VWA3B: variants seen among roughly 807,000 people sequenced by gnomAD.
VWA3B encodes the protein von Willebrand factor A domain containing 3B, also known as von Willebrand factor A domain-containing protein 3B.
Under a neutral mutation model 158.3 loss-of-function variants are expected in VWA3B, and 138 were observed. That is an observed-to-expected ratio of 0.87 (90% confidence interval 0.76 to 1.00). The LOEUF (loss-of-function observed/expected upper bound fraction) is 1.00, where lower values mean the gene tolerates loss of function less well. Among genes scored for constraint, VWA3B ranks in the 50% least tolerant of loss-of-function variants. The probability of loss-of-function intolerance (pLI) is 0.00; values close to 1 mark genes in which losing one functional copy is unlikely to be tolerated. For synonymous variants in VWA3B, 596 were observed against 587.3 expected (o/e 1.01, Z -0.21); for missense variants, 1,555 against 1,565.1 (o/e 0.99, Z 0.11).
intron 2 of VWA3B, among the ~76,000 whole-genome samples, chr2:98,112,262 G>T (rs1674188132): frequency 6.8e-6 from 1 of 147,880 alleles, no homozygotes; most frequent in Admixed American, 6.8e-5. Flanking sequence ...CTGTTCCATT[G>T]TTCTATATGT....
chr2:98,280,975 C>G (rs1006904313), intron 22 of VWA3B, among the ~76,000 whole-genome samples: 1 of 152,144 alleles, frequency 6.6e-6, no homozygotes, highest in African/African-American at 2.4e-5. Flanking sequence ...TTCTTTAGCA[C>G]AATATTTGCC....
In VWA3B at chr2:98,181,147, C is replaced by T. The variant is rs201941273; in HGVS notation, c.1246C>T (p.Arg416Cys). 699 of 1,614,198 alleles carry T rather than the reference C, an allele frequency of 4.3e-4. 6 individuals carry two copies. The highest frequency in any genetic ancestry group is 4.1e-4 in the South Asian group (37 of 91,088). Residue 416 changes from arginine to cysteine, a missense_variant, in exon 9 of 28, where the codon CGC becomes TGC. Coordinates refer to ENST00000477737, the MANE Select transcript of VWA3B (RefSeq NM_144992.5). ...LYDVLADCSF[R>C]HADGVVDIKA... ...TGATGTGCTTGCCGACTGCTCTTTC[C>T]GCCACGCTGATGGGGTTGTGGATAT... is the stretch of plus-strand genomic sequence containing the variant.
At chr2:98,178,878 A>G (rs1680234905) in intron 8 of VWA3B, among the ~76,000 whole-genome samples, 1 of 152,228 alleles carries the variant, frequency 6.6e-6, no homozygotes, top group South Asian at 2.1e-4. Context: ...GCTGGTGGAC[A>G]TCCTACGTGA....
chr2:98,119,448 G>A, intron 3 of VWA3B, 65 bp from the exon 4 acceptor site: 1 of 1,574,110 alleles, frequency 6.4e-7, no homozygotes, highest in Non-Finnish European at 8.6e-7. Context: ...CTCGGTGGCA[G>A]CACTGTGGTT....
chr2:98,243,616 G>A (rs1209244798), intron 19 of VWA3B, among the ~76,000 whole-genome samples: 2 of 152,014 alleles, frequency 1.3e-5, no homozygotes, highest in South Asian at 2.1e-4. Context: ...TTACAGGCAA[G>A]AGCCACCATG....
At chr2:98,306,846 C>G (rs1359869038) in intron 26 of VWA3B, among the ~76,000 whole-genome samples, 1 of 152,054 alleles carries the variant, frequency 6.6e-6, no homozygotes, top group Non-Finnish European at 1.5e-5. Context: ...TCTCGAGTCC[C>G]CCATTGTAAT....
chr2:98,203,126 C>T (rs564695206), intron 12 of VWA3B, among the ~76,000 whole-genome samples: 41 of 152,250 alleles, frequency 2.7e-4, no homozygotes, highest in African/African-American at 7.0e-4. Flanking sequence ...CCACCACACC[C>T]GGCCGGTTTA....
chr2:98,202,828 T>G (rs1204491199), intron 12 of VWA3B, among the ~76,000 whole-genome samples: 1 of 151,938 alleles, frequency 6.6e-6, no homozygotes, highest in Non-Finnish European at 1.5e-5. Flanking sequence ...GAGGTTTATT[T>G]ATTTATTTAT....
At chr2:98,094,429 A>G (rs1682575514) in intron 2 of VWA3B, among the ~76,000 whole-genome samples, 1 of 152,030 alleles carries the variant, frequency 6.6e-6, no homozygotes, top group South Asian at 2.1e-4. Context: ...CATTTGTATG[A>G]TTTATTTTGA....
chr2:98,174,491 G>A (rs1238729090), intron 8 of VWA3B, among the ~76,000 whole-genome samples: 1 of 152,188 alleles, frequency 6.6e-6, no homozygotes, highest in Non-Finnish European at 1.5e-5. Flanking sequence ...AGTGGGAAAA[G>A]CCTTTTCCCT....
At position 98,296,262 on chromosome 2, in the gene VWA3B, C is replaced by T. The variant is rs749735387; in HGVS notation, c.3158-1645C>T. The stretch of plus-strand genomic sequence containing the variant: ...GGCAGCTCAGACCCTTCCCTGGGGC[C>T]GTGGGAGGGACGTGGGGCACACAGT... On this transcript the variant is annotated intron_variant, in intron 23 of 27. Coordinates refer to ENST00000477737, the MANE Select transcript of VWA3B (RefSeq NM_144992.5). Among the ~76,000 whole-genome samples the T allele has an allele frequency of 2.2e-4, 33 of 152,264 alleles. 1 individual carries two copies. Among genetic ancestry groups the T allele is most frequent in the Non-Finnish European group, 3.1e-4 (21 of 68,012 alleles).
intron 19 of VWA3B, 30 bp from the exon 20 acceptor site, chr2:98,250,288 A>ACTTTC (rs753070168): frequency 1.0e-4 from 163 of 1,577,952 alleles, no homozygotes; most frequent in Non-Finnish European, 1.3e-4. Flanking sequence ...ATCAAGTGAC[A>ACTTTC]CTTTCCTTTC....
intron 12 of VWA3B, among the ~76,000 whole-genome samples, chr2:98,199,745 A>G (rs1391679630): frequency 6.6e-6 from 1 of 152,224 alleles, no homozygotes; most frequent in South Asian, 2.1e-4. Flanking sequence ...CTATATATAC[A>G]TCTTGAAAAG....
intron 14 of VWA3B, among the ~76,000 whole-genome samples, chr2:98,227,423 G>A (rs901099122): frequency 3.4e-4 from 51 of 152,158 alleles, no homozygotes; most frequent in African/African-American, 1.1e-3. Flanking sequence ...GAAAGCCGAC[G>A]TCCATGCAAA....
rs760798443 is a variant in VWA3B at position 98,298,032 on chromosome 2, G to T, written c.3282+1G>T. 3 of 1,550,994 alleles carry T rather than the reference G, an allele frequency of 1.9e-6. No homozygotes were observed. Among genetic ancestry groups the T allele is most frequent in the South Asian group, 2.5e-5 (2 of 81,444 alleles). ...CGCCATGCCCTGCCCGCTGCTCCAG[G>T]TACCCAGTCCCTGATGTGTTCTGGG... is the stretch of plus-strand genomic sequence containing the variant. On this transcript the variant is annotated splice_donor_variant, in intron 24 of 27. Coordinates refer to ENST00000477737, the MANE Select transcript of VWA3B (RefSeq NM_144992.5). LOFTEE classifies it high-confidence loss of function.
chr2:98,260,518 T>C (rs968525760), intron 21 of VWA3B, among the ~76,000 whole-genome samples: 1 of 151,798 alleles, frequency 6.6e-6, no homozygotes, highest in African/African-American at 2.4e-5. Flanking sequence ...CTAGAAATGA[T>C]TTAAAGTGTA....
chr2:98,160,310 C>G (rs1678465243), intron 7 of VWA3B, among the ~76,000 whole-genome samples: 1 of 152,090 alleles, frequency 6.6e-6, no homozygotes, highest in Admixed American at 6.6e-5. Flanking sequence ...TTCTTTTTCA[C>G]TGTTTTTTTG....
At chr2:98,272,674 A>G (rs1688275378) in intron 22 of VWA3B, among the ~76,000 whole-genome samples, 1 of 152,228 alleles carries the variant, frequency 6.6e-6, no homozygotes, top group Admixed American at 6.5e-5. Context: ...ACAGTACTTC[A>G]GAGACCCCAA....
intron 9 of VWA3B, among the ~76,000 whole-genome samples, chr2:98,182,146 G>A (rs765325572): frequency 1.2e-4 from 19 of 152,328 alleles, no homozygotes; most frequent in Non-Finnish European, 2.2e-4. Context: ...GCGGGTGACC[G>A]CAGCCCAGAG....
Sources: allele counts gnomAD v4.1 joint callset (sites outside exome capture counted in the v4.1 genomes callset), GRCh38; gene constraint gnomAD v4.1.1; transcripts MANE v1.5; gene names NCBI Gene and HGNC (gene_info 2026-07-23, HGNC 2026-07-21).